The following CLIC6 variants were observed in gnomAD, a reference collection of about 807,000 sequenced individuals.
The protein encoded by CLIC6 is chloride intracellular channel protein 6.
Under a neutral mutation model 49.2 loss-of-function variants are expected in CLIC6, and 39 were observed. The observed-to-expected ratio is 0.79, with a 90% CI of 0.61 to 1.04. The LOEUF is 1.04. CLIC6 is among the 50% of genes least tolerant of loss of function. The pLI, the probability that CLIC6 is intolerant of heterozygous loss-of-function variation, is 0.00. For synonymous variants in CLIC6, 446 were observed against 433.4 expected, an observed-to-expected ratio of 1.03 and a Z score of -0.36; for missense variants, 988 against 993.1, an observed-to-expected ratio of 0.99 and a Z score of 0.07.
intron 1 of CLIC6, among the ~76,000 whole-genome samples, chr21:34,682,041 T>G (rs747812631): frequency 5.9e-5 from 9 of 152,218 alleles, no homozygotes; most frequent in Non-Finnish European, 1.3e-4. Flanking sequence ...AGTATTCTGG[T>G]GATGTGTATA....
At chr21:34,698,626 G>A (rs1220824631) in intron 1 of CLIC6, among the ~76,000 whole-genome samples, 3 of 152,182 alleles carry the variant, frequency 2.0e-5, no homozygotes, top group African/African-American at 7.2e-5. Flanking sequence ...GGCGTCGTAT[G>A]TGTACCATCT....
chr21:34,669,473 G>A lies in CLIC6; in HGVS notation c.85G>A (p.Gly29Arg). The A allele has an allele frequency of 8.1e-7, 1 of 1,234,938 alleles. No individual in the cohort carries two copies. The highest frequency in any genetic ancestry group is 4.0e-5 in the South Asian group (1 of 24,942). The allele number at this position is 1,234,938 out of a possible 1,614,324, so 76.5% of individuals were successfully genotyped here. Residue 29 changes from glycine to arginine, a missense_variant, in exon 1 of 6, where the codon GGA becomes AGA. Physicochemically the swap from Gly to Arg is moderately radical, Grantham distance 125. Around this residue, in one of 3 missense-constraint regions of CLIC6, gnomAD observed 284 missense variants for 278.6 expected, o/e 1.02. Transcript: ENST00000349499. ...EVPAPLAERPGEPGAAGGEAE... is the reference protein window; with the variant it reads ...EVPAPLAERPREPGAAGGEAE... ...CCCCGCGCCTCTGGCTGAGAGACCC[G>A]GAGAGCCAGGAGCCGCGGGCGGGGA...
chr21:34,679,152 T>C (rs1034177495), intron 1 of CLIC6, among the ~76,000 whole-genome samples: 7 of 152,246 alleles, frequency 4.6e-5, no homozygotes, highest in Admixed American at 1.3e-4. Context: ...GAAAGAGGTT[T>C]AATTGACTCA....
chr21:34,669,727 G>A lies in CLIC6; in HGVS notation c.339G>A (p.Pro113=), dbSNP rs1361825552. ...SGAQQVEGAS[P]GRGAQGEPRG... is the part of the protein sequence containing the mutation. ...CGCAGCAGGTGGAGGGGGCGAGCCC[G>A]GGACGCGGCGCGCAGGGCGAGCCCC... Residue 113 remains proline, a synonymous_variant, in exon 1 of 6, where the codon CCG becomes CCA. Coordinates refer to ENST00000349499, the MANE Select transcript of CLIC6 (RefSeq NM_053277.3). 1 of 1,385,470 alleles carries A rather than the reference G, an allele frequency of 7.2e-7. No individual in the cohort carries two copies. Among genetic ancestry groups the A allele is most frequent in the Non-Finnish European group, 9.3e-7 (1 of 1,080,174 alleles). The allele number at this position is 1,385,470 out of a possible 1,614,324, so 85.8% of individuals were successfully genotyped here. A position where few individuals can be genotyped will look rare whatever the true frequency, so the allele number is the denominator to read the frequency against.
intron 1 of CLIC6, among the ~76,000 whole-genome samples, chr21:34,677,883 A>G (rs1001735512): frequency 2.0e-5 from 3 of 152,112 alleles, no homozygotes; most frequent in Non-Finnish European, 2.9e-5. Context: ...CTGTTTTTGT[A>G]CACCTACAAC....
rs544938049 is a variant in CLIC6 at position 34,679,454 on chromosome 21, A to T, written c.1374+8692A>T. Among the ~76,000 whole-genome samples, 20 of 152,308 alleles carry T rather than the reference A, an allele frequency of 1.3e-4. No individual in the cohort carries two copies. In the South Asian group the frequency reaches 3.9e-3, roughly 30 times the overall value. On this transcript the variant is annotated intron_variant, in intron 1 of 5. Coordinates refer to ENST00000349499, the MANE Select transcript of CLIC6 (RefSeq NM_053277.3). ...ATAGCCAAACCGTATCATTCCACCCAGGCCCCTCCCAAATCTCATGTCCTC... is the reference window on the plus strand; with the variant it reads ...ATAGCCAAACCGTATCATTCCACCCTGGCCCCTCCCAAATCTCATGTCCTC...
rs1002357722 is a variant in CLIC6 at position 34,695,257 on chromosome 21, C to A, written c.1375-12023C>A. Among the ~76,000 whole-genome samples, 4 of 152,208 alleles carry A rather than the reference C, an allele frequency of 2.6e-5. No individual in the cohort carries two copies. In the East Asian group the frequency reaches 7.7e-4, roughly 29 times the overall value. On this transcript the variant is annotated intron_variant, in intron 1 of 5. Transcript: ENST00000349499. ...TCTTTACTCCAGCCATATTTCATTT[C>A]TCCGACCCTTCTTCCCTAATCAAAC...
intron 1 of CLIC6, among the ~76,000 whole-genome samples, chr21:34,684,138 T>C (rs1390245821): frequency 1.3e-5 from 2 of 152,154 alleles, no homozygotes; most frequent in Non-Finnish European, 2.9e-5. Context: ...CACCCAAATG[T>C]ATATTTTAAA....
At chr21:34,689,461 C>T (rs1387895188) in intron 1 of CLIC6, among the ~76,000 whole-genome samples, 6 of 152,216 alleles carry the variant, frequency 3.9e-5, no homozygotes, top group Non-Finnish European at 2.9e-5. Context: ...TTTCAAACCA[C>T]GTGCCTTGTA....
At chr21:34,672,646 T>C (rs1989587162) in intron 1 of CLIC6, among the ~76,000 whole-genome samples, 1 of 152,072 alleles carries the variant, frequency 6.6e-6, no homozygotes, top group Admixed American at 6.6e-5. Flanking sequence ...AGAACACAGG[T>C]GTGGGATGTG....
intron 1 of CLIC6, among the ~76,000 whole-genome samples, chr21:34,695,666 T>A (rs1295451443): frequency 6.6e-6 from 1 of 152,224 alleles, no homozygotes; most frequent in African/African-American, 2.4e-5. Context: ...TCTCAGACTC[T>A]GAAATGAGAA....
chr21:34,669,629 G>T lies in CLIC6; in HGVS notation c.241G>T (p.Gly81Cys). 1 of 1,288,356 alleles carries T rather than the reference G, an allele frequency of 7.8e-7. No individual in the cohort carries two copies. Among genetic ancestry groups the T allele is most frequent in the South Asian group, 2.5e-5 (1 of 39,700 alleles). 79.8% of individuals were successfully genotyped at this position (1,288,356 alleles called of 1,614,324 possible). A position where few individuals can be genotyped will look rare whatever the true frequency, so the allele number is the denominator to read the frequency against. The stretch of plus-strand genomic sequence containing the variant: ...GGCGCGGGGCACGAGGGGGGCGCAC[G>T]GCGAGACTGAGGCCGAGGAGGGAGC... ...AEARGTRGAH[G>C]ETEAEEGAPE... The change falls in exon 1 of 6, where the codon GGC becomes TGC. Residue 81 changes from glycine to cysteine, a missense_variant. Physicochemically the swap from Gly to Cys is radical, Grantham distance 159 (BLOSUM62 -3). Transcript: ENST00000349499.
chr21:34,690,517 A>G (rs1989972865), intron 1 of CLIC6, among the ~76,000 whole-genome samples: 1 of 152,180 alleles, frequency 6.6e-6, no homozygotes. Flanking sequence ...GATTTAGCGT[A>G]ACACATGAGC....
intron 5 of CLIC6, among the ~76,000 whole-genome samples, chr21:34,709,873 G>A (rs1298028874): frequency 2.0e-5 from 3 of 152,216 alleles, no homozygotes; most frequent in Admixed American, 6.5e-5. Flanking sequence ...GATGAGGCTC[G>A]TAGAATCTGG....
intron 5 of CLIC6, among the ~76,000 whole-genome samples, chr21:34,714,087 T>A (rs763481259): frequency 1.3e-5 from 2 of 152,370 alleles, no homozygotes; most frequent in Non-Finnish European, 2.9e-5. Context: ...ACCTCTGGTC[T>A]CTTTTTTAAA....
intron 4 of CLIC6, 43 bp from the exon 5 acceptor site, chr21:34,709,314 A>G (rs1277595960): frequency 1.3e-6 from 2 of 1,563,422 alleles, no homozygotes; most frequent in South Asian, 2.2e-5. Context: ...AGTGACATGC[A>G]CTTGCAAACC....
chr21:34,700,961 T>C (rs1990176871), intron 1 of CLIC6, among the ~76,000 whole-genome samples: 1 of 138,720 alleles, frequency 7.2e-6, no homozygotes, highest in Non-Finnish European at 1.6e-5. Context: ...GTCTCCTGGC[T>C]GAAGATCTGT....
intron 3 of CLIC6, among the ~76,000 whole-genome samples, chr21:34,708,331 A>G (rs1212536618): frequency 6.6e-6 from 1 of 152,136 alleles, no homozygotes. Context: ...TGTATCCTAG[A>G]CACCCTGCTG....
chr21:34,679,840 T>A (rs950002359), intron 1 of CLIC6, among the ~76,000 whole-genome samples: 1 of 151,778 alleles, frequency 6.6e-6, no homozygotes, highest in Non-Finnish European at 1.5e-5. Flanking sequence ...CCATGTGGCC[T>A]TGGACAGCTC....
Sources: allele counts gnomAD v4.1 joint callset (sites outside exome capture counted in the v4.1 genomes callset), GRCh38; gene constraint gnomAD v4.1.1; regional missense constraint gnomAD v4.1.1; transcripts MANE v1.5; gene names NCBI Gene and HGNC (gene_info 2026-07-23, HGNC 2026-07-21).